The following FRMD4A variants were observed in gnomAD, a reference collection of about 807,000 sequenced individuals.
FRMD4A encodes the protein FERM domain-containing protein 4A.
In FRMD4A, 29 loss-of-function variants were observed where a neutral mutation model predicts 129.1. That is an observed-to-expected ratio of 0.22 (90% CI 0.17 to 0.31). The LOEUF is 0.31. FRMD4A is among the 10% of genes least tolerant of loss of function. The pLI, the probability that FRMD4A is intolerant of heterozygous loss-of-function variation, is 1.00. For missense variants in FRMD4A, 1,272 were observed against 1,375.8 expected, an observed-to-expected ratio of 0.92 and a Z score of 1.19; for synonymous variants, 634 against 571.6, an observed-to-expected ratio of 1.11 and a Z score of -1.56.
At chr10:13,919,765 C>G (rs1289760503) in intron 2 of FRMD4A, among the ~76,000 whole-genome samples, 1 of 152,100 alleles carries the variant, frequency 6.6e-6, no homozygotes, top group East Asian at 1.9e-4. Context: ...TGGTGAAACC[C>G]TGTCCTTACT....
intron 2 of FRMD4A, among the ~76,000 whole-genome samples, chr10:14,236,764 C>A (rs1159571807): frequency 6.6e-6 from 1 of 152,128 alleles, no homozygotes; most frequent in Non-Finnish European, 1.5e-5. Context: ...GATTAACAAA[C>A]AAATAATCCA....
At chr10:14,056,001 C>T (rs1323453841) in intron 2 of FRMD4A, among the ~76,000 whole-genome samples, 3 of 152,118 alleles carry the variant, frequency 2.0e-5, no homozygotes, top group Non-Finnish European at 4.4e-5. Context: ...GTGGCGCGAT[C>T]TCGGCTCACT....
chr10:13,845,122 G>A (rs1459823136), intron 3 of FRMD4A, among the ~76,000 whole-genome samples: 1 of 152,162 alleles, frequency 6.6e-6, no homozygotes, highest in Admixed American at 6.5e-5. Context: ...TTGAAATCAT[G>A]TTTTCTATTT....
At chr10:13,738,519 C>A (rs188618276) in intron 11 of FRMD4A, among the ~76,000 whole-genome samples, 1 of 152,192 alleles carries the variant, frequency 6.6e-6, no homozygotes, top group South Asian at 2.1e-4. Flanking sequence ...CCCAAGATGA[C>A]AGCTGGGTGC....
chr10:13,701,143 C>T (rs937986863), intron 14 of FRMD4A, among the ~76,000 whole-genome samples, 197 bp downstream of exon 14: 2 of 152,032 alleles, frequency 1.3e-5, no homozygotes, highest in African/African-American at 4.8e-5. Flanking sequence ...GCCCCCTGGA[C>T]CAAGATGCAT....
At chr10:13,728,570 A>ATTTTT (rs1386167455) in intron 12 of FRMD4A, among the ~76,000 whole-genome samples, 1 of 28,662 alleles carries the variant, frequency 3.5e-5, no homozygotes, top group Non-Finnish European at 8.4e-5. Flanking sequence ...GGTGATTACC[A>ATTTTT]TTCTTTTTTT....
intron 3 of FRMD4A, among the ~76,000 whole-genome samples, chr10:13,820,442 G>A (rs991013699): frequency 1.3e-5 from 2 of 152,030 alleles, no homozygotes; most frequent in African/African-American, 4.8e-5. Flanking sequence ...TCACTCCATG[G>A]TGAAGCAGGC....
intron 2 of FRMD4A, among the ~76,000 whole-genome samples, chr10:14,123,265 T>C (rs1165053352): frequency 6.6e-6 from 1 of 152,150 alleles, no homozygotes; most frequent in Non-Finnish European, 1.5e-5. Flanking sequence ...CCACTCCTGT[T>C]AGTTCGAACC....
At chr10:13,804,283 T>C (rs2093317888) in intron 4 of FRMD4A, among the ~76,000 whole-genome samples, 1 of 152,230 alleles carries the variant, frequency 6.6e-6, no homozygotes, top group East Asian at 1.9e-4. Flanking sequence ...CAGAGCTGTG[T>C]CTTGTGGTTG....
intron 8 of FRMD4A, among the ~76,000 whole-genome samples, chr10:13,756,970 A>G (rs997001382): frequency 6.6e-6 from 1 of 152,218 alleles, no homozygotes; most frequent in Non-Finnish European, 1.5e-5. Context: ...TAGTTTTTCT[A>G]TCATAACCCA....
intron 6 of FRMD4A, among the ~76,000 whole-genome samples, chr10:13,778,796 A>G (rs1301803891): frequency 2.0e-5 from 3 of 152,106 alleles, no homozygotes; most frequent in Non-Finnish European, 1.5e-5. Flanking sequence ...TAGCCTGGCC[A>G]TTCATTAGGC....
At chr10:13,888,785 C>T (rs894875545) in intron 2 of FRMD4A, among the ~76,000 whole-genome samples, 3 of 152,182 alleles carry the variant, frequency 2.0e-5, no homozygotes, top group Admixed American at 6.5e-5. Context: ...TTCTAATACT[C>T]TGTGGAGAGT....
At chr10:13,741,342 T>C (rs1314053816) in intron 9 of FRMD4A, among the ~76,000 whole-genome samples, 2 of 152,102 alleles carry the variant, frequency 1.3e-5, no homozygotes, top group African/African-American at 2.4e-5. Context: ...TCCCAGCTAC[T>C]TGGGAGGCTG....
At chr10:13,922,875 C>A (rs1280158538) in intron 2 of FRMD4A, among the ~76,000 whole-genome samples, 2 of 152,126 alleles carry the variant, frequency 1.3e-5, no homozygotes, top group African/African-American at 4.8e-5. Flanking sequence ...CTTCAGACTA[C>A]AGTAATTGTC....
chr10:13,774,158 C>A (rs1358122492), intron 6 of FRMD4A, among the ~76,000 whole-genome samples: 1 of 152,218 alleles, frequency 6.6e-6, no homozygotes, highest in Non-Finnish European at 1.5e-5. Context: ...ACCGGAAGCA[C>A]ACAATGACAG....
intron 12 of FRMD4A, among the ~76,000 whole-genome samples, chr10:13,712,762 TG>T (rs753687364): frequency 5.3e-5 from 8 of 151,958 alleles, no homozygotes; most frequent in Non-Finnish European, 1.0e-4. Flanking sequence ...AAACAGGAGG[TG>T]GGAAACACTT....
Position 13,794,331 on chromosome 10 carries a change from G to A in FRMD4A, c.299+2165C>T, listed in dbSNP as rs540937866. Reference sequence around the variant, plus strand: ...CTCTTGAACTTGGGAGGTGGAGGTCGCAGTGAGCCGAGATCATGCCATTAC... The same window carrying A: ...CTCTTGAACTTGGGAGGTGGAGGTCACAGTGAGCCGAGATCATGCCATTAC... On this transcript the variant is annotated intron_variant, in intron 5 of 24. Coordinates refer to ENST00000357447, the MANE Select transcript of FRMD4A (RefSeq NM_018027.5). Among the ~76,000 whole-genome samples, 20 of 143,090 alleles carry A rather than the reference G, an allele frequency of 1.4e-4. 1 individual carries two copies. The East Asian group carries it at 3.2e-3, about 23-fold the overall frequency. The allele number at this position is 143,090 out of a possible 152,430, so 93.9% of individuals were successfully genotyped here.
intron 2 of FRMD4A, among the ~76,000 whole-genome samples, chr10:14,070,520 T>C (rs1490145950): frequency 2.0e-5 from 3 of 151,974 alleles, no homozygotes; most frequent in African/African-American, 7.3e-5. Flanking sequence ...ATTGAAGAGA[T>C]GGGGTATTAG....
At chr10:13,761,703 C>A in intron 7 of FRMD4A, 34 bp from the exon 8 acceptor site, 1 of 1,508,956 alleles carries the variant, frequency 6.6e-7, no homozygotes, top group Non-Finnish European at 9.2e-7. Context: ...CAGCGAAATA[C>A]ACTAAGCCAA....
Sources: allele counts gnomAD v4.1 joint callset (sites outside exome capture counted in the v4.1 genomes callset), GRCh38; gene constraint gnomAD v4.1.1; transcripts MANE v1.5; gene names NCBI Gene and HGNC (gene_info 2026-07-23, HGNC 2026-07-21).